The following RBFOX1 variants were observed in gnomAD, a reference collection of about 807,000 sequenced individuals.
The protein encoded by RBFOX1 is RNA binding protein fox-1 homolog 1.
RBFOX1 carries 8 observed loss-of-function variants against 57.7 expected under a neutral mutation model. The observed-to-expected ratio is 0.14, with a 90% CI of 0.08 to 0.25. The LOEUF (loss-of-function observed/expected upper bound fraction) is 0.25. Among genes scored for constraint, RBFOX1 ranks in the 10% least tolerant of loss-of-function variants. RBFOX1 has a pLI of 1.00. For missense variants in RBFOX1, 611 were observed against 548.5 expected, an observed-to-expected ratio of 1.11 and a Z score of -1.14; for synonymous variants, 326 against 222.4, an observed-to-expected ratio of 1.47 and a Z score of -4.15.
rs554227796 is a variant in RBFOX1, at chr16:6,722,160, T to C, written c.-16+67510T>C. Among the ~76,000 whole-genome samples the C allele has an allele frequency of 4.6e-4, 70 of 152,324 alleles. No homozygotes were observed. In the South Asian group the frequency reaches 9.9e-3, roughly 22 times the overall value. On this transcript the variant is annotated intron_variant, in intron 3 of 15. Transcript: ENST00000550418. ...CCCTGCTTTCCATTCCTGTGGTACA[T>C]ACCCAAAAATGGAATTACCAGATCA...
intron 2 of RBFOX1, among the ~76,000 whole-genome samples, chr16:6,628,164 C>A (rs1427984743): frequency 1.3e-5 from 2 of 152,206 alleles, no homozygotes; most frequent in South Asian, 2.1e-4. Context: ...TACCTTCTGC[C>A]TCTTCCTGCT....
intron 3 of RBFOX1, among the ~76,000 whole-genome samples, chr16:6,699,137 T>A (rs570229982): frequency 6.6e-5 from 10 of 152,196 alleles, no homozygotes; most frequent in African/African-American, 2.4e-4. Flanking sequence ...TTCAACCCAT[T>A]TGAAGTGCCA....
chr16:7,210,605 C>G (rs1250857603), intron 4 of RBFOX1, among the ~76,000 whole-genome samples: 2 of 146,442 alleles, frequency 1.4e-5, no homozygotes, highest in African/African-American at 5.1e-5. Flanking sequence ...CATACTGATG[C>G]TAATGTTGAT....
At chr16:7,001,901 G>T (rs535632434) in intron 3 of RBFOX1, among the ~76,000 whole-genome samples, 1 of 152,004 alleles carries the variant, frequency 6.6e-6, no homozygotes, top group Non-Finnish European at 1.5e-5. Flanking sequence ...CATAGTAAGC[G>T]GGGGTCCCCA....
At chr16:7,029,163 CATATATAT>C (rs71147636) in intron 3 of RBFOX1, among the ~76,000 whole-genome samples, 1 of 40,502 alleles carries the variant, frequency 2.5e-5, no homozygotes, top group Non-Finnish European at 8.2e-5. Flanking sequence ...TATATATACA[CATATATAT>C]ACGTATACGT....
At chr16:6,723,494 T>G (rs1300431452) in intron 3 of RBFOX1, among the ~76,000 whole-genome samples, 1 of 152,118 alleles carries the variant, frequency 6.6e-6, no homozygotes, top group Non-Finnish European at 1.5e-5. Flanking sequence ...GTAGAAAAAA[T>G]AATACAATTA....
intron 4 of RBFOX1, among the ~76,000 whole-genome samples, chr16:7,417,371 T>TA (rs1417258726): frequency 3.4e-5 from 1 of 29,028 alleles, no homozygotes; most frequent in African/African-American, 1.3e-4. Flanking sequence ...AGACTCTGTG[T>TA]CAAAGAAAAA....
chr16:7,700,588 AT>A (rs1337266142), intron 14 of RBFOX1, among the ~76,000 whole-genome samples: 4 of 152,134 alleles, frequency 2.6e-5, no homozygotes, highest in Admixed American at 6.5e-5. Context: ...ATTCTTAGTG[AT>A]TTTGGTAGAG....
rs555931765 is a variant in RBFOX1 at position 7,373,156 on chromosome 16, C to G, written c.28-144991C>G. Among the ~76,000 whole-genome samples, 4 of 152,154 alleles carry G rather than the reference C, an allele frequency of 2.6e-5. No individual in the cohort carries two copies. The East Asian group carries it at 5.9e-4, about 22-fold the overall frequency. Reference sequence around the variant, plus strand: ...ACCGTGTTAGCCAGGATGGTTATCGCTCTCCTGACCTTGTGATCTACCTGC... The same window carrying G: ...ACCGTGTTAGCCAGGATGGTTATCGGTCTCCTGACCTTGTGATCTACCTGC... On this transcript the variant is annotated intron_variant, in intron 4 of 15. Coordinates refer to ENST00000550418, the MANE Select transcript of RBFOX1 (RefSeq NM_018723.4).
chr16:7,048,552 C>T (rs151018298), intron 3 of RBFOX1, among the ~76,000 whole-genome samples: 3 of 152,240 alleles, frequency 2.0e-5, no homozygotes, highest in African/African-American at 7.2e-5. Flanking sequence ...AGCCACCGCG[C>T]CCAGCTCCTT....
chr16:7,130,622 G>T (rs1384842575), intron 4 of RBFOX1, among the ~76,000 whole-genome samples: 1 of 152,130 alleles, frequency 6.6e-6, no homozygotes, highest in Non-Finnish European at 1.5e-5. Flanking sequence ...CTGCAGTGGT[G>T]ATGTAGGTTT....
intron 3 of RBFOX1, among the ~76,000 whole-genome samples, chr16:6,974,765 A>G (rs946066757): frequency 2.0e-5 from 3 of 152,256 alleles, no homozygotes; most frequent in South Asian, 4.1e-4. Context: ...GGCAGGCACC[A>G]GAAAACCCCC....
At chr16:7,128,496 C>T (rs964958001) in intron 4 of RBFOX1, among the ~76,000 whole-genome samples, 5 of 152,172 alleles carry the variant, frequency 3.3e-5, no homozygotes, top group African/African-American at 9.7e-5. Flanking sequence ...ACGTGTGTGT[C>T]TCTGATATCC....
chr16:5,252,044 G>T (rs1472114106), intron 1 of RBFOX1, among the ~76,000 whole-genome samples: 1 of 152,172 alleles, frequency 6.6e-6, no homozygotes, highest in Non-Finnish European at 1.5e-5. Context: ...CTGAGCTGGG[G>T]AAGTGCAGGT....
At chr16:5,498,872 G>C (rs547629524) in intron 2 of RBFOX1, among the ~76,000 whole-genome samples, 1 of 152,334 alleles carries the variant, frequency 6.6e-6, no homozygotes, top group African/African-American at 2.4e-5. Flanking sequence ...TCTCTCCTCT[G>C]TAAGGCCTTT....
chr16:5,718,840 C>T (rs2051817639), intron 3 of RBFOX1, among the ~76,000 whole-genome samples: 1 of 152,062 alleles, frequency 6.6e-6, no homozygotes. Flanking sequence ...ACCTGGGAGG[C>T]TGAGGTCGCA....
chr16:7,032,924 C>A (rs1330266594), intron 3 of RBFOX1, among the ~76,000 whole-genome samples: 1 of 152,074 alleles, frequency 6.6e-6, no homozygotes, highest in Admixed American at 6.6e-5. Flanking sequence ...GGAGGCTTTT[C>A]CTGGCTGGTG....
At chr16:5,374,813 A>G (rs764594342) in intron 1 of RBFOX1, among the ~76,000 whole-genome samples, 16 of 152,050 alleles carry the variant, frequency 1.1e-4, no homozygotes, top group Non-Finnish European at 2.4e-4. Flanking sequence ...GTGCCCATGA[A>G]TGAAGTTTTG....
intron 2 of RBFOX1, among the ~76,000 whole-genome samples, chr16:5,535,044 T>C (rs1567203218): frequency 6.6e-6 from 1 of 152,186 alleles, no homozygotes; most frequent in South Asian, 2.1e-4. Context: ...ACTATCCTCA[T>C]GGGGCTTAGA....
Sources: gnomAD v4.1 joint callset for allele counts (sites outside exome capture counted in the v4.1 genomes callset) on GRCh38, gnomAD v4.1.1 for gene constraint, MANE v1.5 for transcripts, NCBI Gene and HGNC (gene_info 2026-07-23, HGNC 2026-07-21) for gene names.